Variants in UBAP2 observed in about 807,000 individuals in gnomAD.
UBAP2 encodes the protein ubiquitin associated protein 2, also known as ubiquitin-associated protein 2.
A neutral mutation model predicts 139.6 loss-of-function variants in UBAP2; 75 were observed. The observed-to-expected ratio is 0.54, with a 90% CI of 0.45 to 0.65. The LOEUF is 0.65. Ranked by LOEUF, UBAP2 falls within the 30% of genes least tolerant of loss-of-function variation. The probability of loss-of-function intolerance (pLI) is 0.00; values close to 1 mark genes in which losing one functional copy is unlikely to be tolerated. For synonymous variants in UBAP2, 526 were observed against 526.2 expected (o/e 1.00, Z 0.01); for missense variants, 1,368 against 1,369.6 (o/e 1.00, Z 0.02).
At chr9:33,961,826 C>A (rs1310712241) in intron 9 of UBAP2, among the ~76,000 whole-genome samples, 1 of 152,080 alleles carries the variant, frequency 6.6e-6, no homozygotes, top group East Asian at 1.9e-4. Flanking sequence ...CTTAGAATCA[C>A]GTAAACAGCC....
At chr9:33,934,864 G>C (rs751366766) in intron 17 of UBAP2, among the ~76,000 whole-genome samples, 1 of 152,104 alleles carries the variant, frequency 6.6e-6, no homozygotes, top group Admixed American at 6.6e-5. Flanking sequence ...AACGACCAAC[G>C]AATCTCCAAA....
At chr9:33,998,695 T>TCTTTAAAACAAAA in intron 3 of UBAP2, 92 bp downstream of exon 3, 1 of 1,203,204 alleles carries the variant, frequency 8.3e-7, no homozygotes, top group Non-Finnish European at 1.2e-6. Context: ...CTAGAAGTAA[T>TCTTTAAAACAAAA]ACTTTAAAAC....
intron 11 of UBAP2, among the ~76,000 whole-genome samples, chr9:33,954,581 T>A (rs570472557): frequency 6.6e-6 from 1 of 152,304 alleles, no homozygotes; most frequent in African/African-American, 2.4e-5. Flanking sequence ...ATTCTCACCA[T>A]GCCAATAAGA....
intron 1 of UBAP2, among the ~76,000 whole-genome samples, chr9:34,027,940 C>T (rs1255261328): frequency 6.6e-6 from 1 of 150,510 alleles, no homozygotes; most frequent in African/African-American, 2.4e-5. Context: ...AGTCTACACC[C>T]GTAATCGAGG....
At chr9:33,957,342 C>T (rs1217432428) in intron 10 of UBAP2, among the ~76,000 whole-genome samples, 1 of 152,202 alleles carries the variant, frequency 6.6e-6, no homozygotes, top group African/African-American at 2.4e-5. Context: ...ACCATCACCA[C>T]AATTAGGACG....
chr9:33,939,987 G>A (rs149177545), intron 16 of UBAP2, among the ~76,000 whole-genome samples: 117 of 141,346 alleles, frequency 8.3e-4, no homozygotes, highest in African/African-American at 3.0e-3. Flanking sequence ...GTAGGAGGGA[G>A]GAGGGTGAGG....
At chr9:33,931,051 C>T (rs1277845310) in intron 19 of UBAP2, among the ~76,000 whole-genome samples, 3 of 152,110 alleles carry the variant, frequency 2.0e-5, no homozygotes, top group African/African-American at 7.2e-5. Context: ...GTCTATCTTT[C>T]CATAACTTTT....
chr9:34,007,893 G>A (rs1355765549), intron 2 of UBAP2, among the ~76,000 whole-genome samples: 5 of 151,744 alleles, frequency 3.3e-5, no homozygotes, highest in East Asian at 3.9e-4. Flanking sequence ...TGCCCGCCTC[G>A]GCCTCCCAAA....
intron 19 of UBAP2, among the ~76,000 whole-genome samples, chr9:33,931,200 C>T (rs1364473887): frequency 1.3e-5 from 2 of 152,178 alleles, no homozygotes; most frequent in Non-Finnish European, 2.9e-5. Context: ...GGAAGGCTGA[C>T]TTTTCCTATA....
chr9:34,006,798 T>C (rs987235438), intron 2 of UBAP2, among the ~76,000 whole-genome samples: 7 of 152,182 alleles, frequency 4.6e-5, no homozygotes, highest in African/African-American at 1.4e-4. Context: ...ACAAGGAATA[T>C]TGTTCTCATA....
chr9:33,923,443 G>A lies in UBAP2; in HGVS notation c.2832C>T (p.Asn944=). 6.2e-7 allele frequency: 1 copy of A among 1,614,122 alleles called. No homozygotes were observed. The highest frequency in any genetic ancestry group is 8.5e-7 in the Non-Finnish European group (1 of 1,180,016). ...GGAAGGGAGGTGTGGGAGTGCTGAGGTTCACCCCATGTTGCTTGGCTGAGG... is the reference window on the plus strand; with the variant it reads ...GGAAGGGAGGTGTGGGAGTGCTGAGATTCACCCCATGTTGCTTGGCTGAGG... The part of the protein sequence containing the change: ...PPASAKQHGV[N]LSTPTPPFQQ... The change falls in exon 25 of 29, where the codon AAC becomes AAT. Residue 944 remains asparagine, a synonymous_variant. Transcript: ENST00000379238.
Position 34,034,549 on chromosome 9 carries a change from G to A in UBAP2, c.-42+14276C>T, listed in dbSNP as rs145120323. Among the ~76,000 whole-genome samples, 9 of 152,222 alleles carry A rather than the reference G, an allele frequency of 5.9e-5. No individual in the cohort carries two copies. In the East Asian group the frequency reaches 1.7e-3, roughly 29 times the overall value. Reference sequence around the variant, plus strand: ...TTAATAAAGAAAACACTACACTAATGAGAAATACCCCACATCCTTATATGT... The same window carrying A: ...TTAATAAAGAAAACACTACACTAATAAGAAATACCCCACATCCTTATATGT... On this transcript the variant is annotated intron_variant, in intron 1 of 28. Coordinates refer to ENST00000379238, the MANE Select transcript of UBAP2 (RefSeq NM_001370062.2).
chr9:33,997,367 G>C (rs1326533240), intron 3 of UBAP2: 1 of 152,120 alleles, frequency 6.6e-6, no homozygotes, highest in African/African-American at 2.4e-5. Context: ...ACATGTACTA[G>C]CTGAAGTTCA....
In UBAP2 at chr9:33,922,753, G is replaced by C; in HGVS notation, c.3198C>G (p.His1066Gln). Residue 1066 changes from histidine (H) to glutamine (Q), a missense_variant, in exon 28 of 29, where the codon CAC becomes CAG. Transcript: ENST00000379238. ...GGGGCTGCTGGTGGGCTGGCAAGAT[G>C]TGTAGGAATGGTGGGGGTGCATAGC... ...APGYAPPPFLHILPAHQQPHS... is the reference protein window; with the variant it reads ...APGYAPPPFLQILPAHQQPHS... The C allele has an allele frequency of 6.4e-7, 1 of 1,559,298 alleles. No individual in the cohort carries two copies.
intron 2 of UBAP2, among the ~76,000 whole-genome samples, chr9:34,006,089 C>T (rs771966667): frequency 8.6e-5 from 13 of 151,862 alleles, no homozygotes; most frequent in Non-Finnish European, 1.5e-4. Flanking sequence ...AAAAATTAGC[C>T]GGGCATGGTG....
intron 7 of UBAP2, among the ~76,000 whole-genome samples, chr9:33,972,982 G>C (rs1003704766): frequency 2.0e-5 from 3 of 152,088 alleles, no homozygotes; most frequent in Admixed American, 6.5e-5. Context: ...TCTCAATAAT[G>C]CCAAGGCTAG....
intron 7 of UBAP2, among the ~76,000 whole-genome samples, chr9:33,972,652 A>G (rs796717596): frequency 3.9e-5 from 6 of 152,306 alleles, no homozygotes; most frequent in Middle Eastern, 3.4e-3. Flanking sequence ...CAAAAAGTAA[A>G]AAAACACCCA....
intron 8 of UBAP2, among the ~76,000 whole-genome samples, chr9:33,966,924 T>C (rs370877086): frequency 6.6e-6 from 1 of 152,068 alleles, no homozygotes; most frequent in African/African-American, 2.4e-5. Flanking sequence ...GGGGAAAATT[T>C]ACATGAGACG....
intron 2 of UBAP2, among the ~76,000 whole-genome samples, chr9:34,013,368 G>C (rs1166918069): frequency 6.6e-6 from 1 of 151,936 alleles, no homozygotes. Context: ...TGACCAACAT[G>C]GTGAAACCCC....
Sources: allele counts gnomAD v4.1 joint callset (sites outside exome capture counted in the v4.1 genomes callset), GRCh38; gene constraint gnomAD v4.1.1; transcripts MANE v1.5; gene names NCBI Gene and HGNC (gene_info 2026-07-23, HGNC 2026-07-21).